The following SIK3 variants were observed in gnomAD, a reference collection of about 807,000 sequenced individuals.
SIK3 encodes SIK family kinase 3.
In SIK3, 28 loss-of-function variants were observed where a neutral mutation model predicts 144.2. The ratio of observed to expected loss-of-function variants is 0.19; its 90% CI spans 0.14 to 0.27. The LOEUF (loss-of-function observed/expected upper bound fraction) is 0.27. Among genes scored for constraint, SIK3 ranks in the 10% least tolerant of loss-of-function variants. The probability of loss-of-function intolerance (pLI) is 1.00; values close to 1 mark genes in which losing one functional copy is unlikely to be tolerated. For missense variants in SIK3, 1,319 were observed against 1,776.0 expected (o/e 0.74, Z 4.62); for synonymous variants, 686 against 676.3 (o/e 1.01, Z -0.22).
At chr11:116,890,673 GA>G (rs1945052654) in intron 6 of SIK3, among the ~76,000 whole-genome samples, 1 of 152,230 alleles carries the variant, frequency 6.6e-6, no homozygotes, top group African/African-American at 2.4e-5. Context: ...AGAGTGAATA[GA>G]AATTATCTAG....
intron 11 of SIK3, 84 bp from the exon 12 acceptor site, chr11:116,874,140 T>C (rs1231571425): frequency 7.7e-7 from 1 of 1,296,678 alleles, no homozygotes; most frequent in Admixed American, 2.2e-5. Flanking sequence ...GGCATTGCTA[T>C]GTTCAGTACA....
chr11:116,992,271 G>C (rs1950523123), intron 1 of SIK3, among the ~76,000 whole-genome samples: 1 of 149,868 alleles, frequency 6.7e-6, no homozygotes, highest in Non-Finnish European at 1.5e-5. Context: ...GCTGCAGTGA[G>C]CTAAGATCCT....
intron 1 of SIK3, among the ~76,000 whole-genome samples, chr11:117,060,977 T>C (rs1953764919): frequency 6.6e-6 from 1 of 152,218 alleles, no homozygotes; most frequent in East Asian, 1.9e-4. Flanking sequence ...CCAGATGCTG[T>C]GGCTCACACC....
intron 1 of SIK3, among the ~76,000 whole-genome samples, chr11:116,981,452 G>T (rs1439451957): frequency 2.0e-5 from 3 of 152,166 alleles, no homozygotes; most frequent in Non-Finnish European, 2.9e-5. Context: ...CTTAGCCTCA[G>T]AAATGAAATA....
chr11:117,098,060 C>T (rs1955559591), intron 1 of SIK3, 83 bp downstream of exon 1: 5 of 1,191,320 alleles, frequency 4.2e-6, no homozygotes, highest in Non-Finnish European at 5.2e-6. Flanking sequence ...GCCGCGCTCG[C>T]CGCCCCGACC....
At chr11:116,870,431 G>A in intron 13 of SIK3, 30 bp from the exon 14 acceptor site, 1 of 1,612,138 alleles carries the variant, frequency 6.2e-7, no homozygotes, top group Non-Finnish European at 8.5e-7. Flanking sequence ...AAAAGCTCAA[G>A]GTGGCAGCTT....
intron 1 of SIK3, among the ~76,000 whole-genome samples, chr11:116,986,049 T>C (rs1950314845): frequency 6.6e-6 from 1 of 152,176 alleles, no homozygotes; most frequent in Non-Finnish European, 1.5e-5. Context: ...GCATCAATCA[T>C]TCTGGTGGCA....
chr11:117,053,585 A>G (rs933667345), intron 1 of SIK3, among the ~76,000 whole-genome samples: 1 of 152,122 alleles, frequency 6.6e-6, no homozygotes. Flanking sequence ...AACTACCTTA[A>G]TAACAAAGGC....
At chr11:116,871,196 C>T (rs1003582268) in intron 13 of SIK3, among the ~76,000 whole-genome samples, 1 of 152,206 alleles carries the variant, frequency 6.6e-6, no homozygotes, top group Non-Finnish European at 1.5e-5. Flanking sequence ...CTACCCATAG[C>T]CTGGGTGCCC....
chr11:116,892,610 T>C (rs539790848), intron 6 of SIK3, among the ~76,000 whole-genome samples: 19 of 152,202 alleles, frequency 1.2e-4, no homozygotes, highest in Non-Finnish European at 2.2e-4. Flanking sequence ...CTCTCACTCA[T>C]TGCTGGCAGG....
In SIK3 at chr11:116,843,840, A is replaced by C. The variant is rs531814094; in HGVS notation, c.*1803T>G. The stretch of plus-strand genomic sequence containing the variant: ...GTGGAGGGGAGACTGGGGACCATGG[A>C]AACATGGGACAGCTCCCACGAAGGG... On this transcript the variant is annotated 3_prime_UTR_variant, in exon 25 of 25. Coordinates refer to ENST00000445177, the MANE Select transcript of SIK3 (RefSeq NM_001366686.3). The C allele has an allele frequency of 6.6e-6, 1 of 152,192 alleles. No individual in the cohort carries two copies. Among genetic ancestry groups the C allele is most frequent in the South Asian group, 2.1e-4 (1 of 4,834 alleles). 9.4% of individuals were successfully genotyped at this position (152,192 alleles called of 1,614,324 possible).
chr11:116,848,172 G>A (rs1942142337), intron 22 of SIK3, among the ~76,000 whole-genome samples: 1 of 147,326 alleles, frequency 6.8e-6, no homozygotes, highest in Non-Finnish European at 1.5e-5. Context: ...AAATTAGCTG[G>A]GCTAAAAAAA....
intron 4 of SIK3, among the ~76,000 whole-genome samples, chr11:116,909,655 A>G (rs534669061): frequency 1.3e-5 from 2 of 152,330 alleles, no homozygotes; most frequent in East Asian, 3.9e-4. Context: ...CTCCACAATC[A>G]TTAGGGCTTT....
rs918523582 is a variant in SIK3 at position 116,861,972 on chromosome 11, G to T, written c.2230-46C>A. ...GGAAAAAAATTATTGTGAGCTTGAA[G>T]ATTACTCAGAGCTATTCTCAGGAAG... On this transcript the variant is annotated intron_variant, in intron 17 of 24. Coordinates refer to ENST00000445177, the MANE Select transcript of SIK3 (RefSeq NM_001366686.3). The T allele has an allele frequency of 5.0e-6, 7 of 1,405,266 alleles. No individual in the cohort carries two copies. The African/African-American group carries it at 5.7e-5, about 11-fold the overall frequency. 87.0% of individuals were successfully genotyped at this position (1,405,266 alleles called of 1,614,324 possible).
At chr11:116,903,986 A>G (rs537349718) in intron 4 of SIK3, among the ~76,000 whole-genome samples, 1 of 152,324 alleles carries the variant, frequency 6.6e-6, no homozygotes, top group South Asian at 2.1e-4. Context: ...GAGCTACTCT[A>G]ATTCACAATA....
chr11:116,923,676 GTT>G (rs776054043), intron 4 of SIK3, among the ~76,000 whole-genome samples: 5 of 152,156 alleles, frequency 3.3e-5, no homozygotes, highest in Non-Finnish European at 7.4e-5. Flanking sequence ...TTATTTTTCT[GTT>G]TTGCTCTTAA....
intron 6 of SIK3, 124 bp downstream of exon 6, chr11:116,896,129 G>T: frequency 1.5e-6 from 2 of 1,363,610 alleles, no homozygotes; most frequent in Non-Finnish European, 2.0e-6. Flanking sequence ...CATCAGGTCA[G>T]CAAGCTGGAG....
chr11:116,911,373 G>A (rs1305489194), intron 4 of SIK3, among the ~76,000 whole-genome samples: 1 of 152,056 alleles, frequency 6.6e-6, no homozygotes, highest in Non-Finnish European at 1.5e-5. Flanking sequence ...TGGGTGTGGT[G>A]GCACATGCCT....
chr11:117,065,033 C>T (rs1953946650), intron 1 of SIK3, among the ~76,000 whole-genome samples: 1 of 152,030 alleles, frequency 6.6e-6, no homozygotes, highest in Non-Finnish European at 1.5e-5. Flanking sequence ...CCTGTAGTCC[C>T]AGCTACTCGG....
Sources: gnomAD v4.1 joint callset for allele counts (sites outside exome capture counted in the v4.1 genomes callset) on GRCh38, gnomAD v4.1.1 for gene constraint, MANE v1.5 for transcripts, NCBI Gene and HGNC (gene_info 2026-07-23, HGNC 2026-07-21) for gene names.